The following ESYT1 variants were observed in gnomAD, a reference collection of about 807,000 sequenced individuals.
ESYT1 encodes extended synaptotagmin 1.
In ESYT1, 116 loss-of-function variants were observed where a neutral mutation model predicts 154.2. The ratio of observed to expected loss-of-function variants is 0.75; its 90% CI spans 0.65 to 0.88. ESYT1 has a LOEUF of 0.88. ESYT1 is among the 40% of genes least tolerant of loss of function. The pLI is 0.00. For missense variants in ESYT1, 1,264 were observed against 1,379.3 expected, an observed-to-expected ratio of 0.92 and a Z score of 1.32; for synonymous variants, 500 against 539.9, an observed-to-expected ratio of 0.93 and a Z score of 1.02.
chr12:56,138,724 T>C, intron 22 of ESYT1, 44 bp from the exon 23 acceptor site: 5 of 1,579,988 alleles, frequency 3.2e-6, no homozygotes, highest in Non-Finnish European at 4.4e-6. Context: ...GGGATCTGCC[T>C]AACTAGGTCC....
intron 2 of ESYT1, 24 bp from the exon 3 acceptor site, chr12:56,130,767 C>G: frequency 6.2e-7 from 1 of 1,613,676 alleles, no homozygotes; most frequent in Admixed American, 1.7e-5. Context: ...GGACTCTCCT[C>G]TGACCATCTC....
At chr12:56,135,198 C>T (rs1212193007) in intron 15 of ESYT1, among the ~76,000 whole-genome samples, 3 of 148,568 alleles carry the variant, frequency 2.0e-5, no homozygotes, top group Non-Finnish European at 3.0e-5. Context: ...GAGACAGTTT[C>T]GCTTTTGTTG....
chr12:56,138,751 C>A lies in ESYT1; in HGVS notation c.2434-17C>A. The A allele has an allele frequency of 6.2e-7, 1 of 1,611,462 alleles. No individual in the cohort carries two copies. Among genetic ancestry groups the A allele is most frequent in the South Asian group, 1.1e-5 (1 of 91,034 alleles). On this transcript the variant is annotated splice_polypyrimidine_tract_variant and intron_variant, in intron 22 of 30. Transcript: ENST00000394048. ...ACTAGGTCCAAATTTAAGACTAACA[C>A]AGTATTGTCTTTCTAGCTGCGAAAA... is the stretch of plus-strand genomic sequence containing the variant.
Position 56,137,832 on chromosome 12 carries a change from G to A in ESYT1, c.2116G>A (p.Val706Met). Residue 706 changes from valine (V) to methionine (M), a missense_variant and splice_region_variant, in exon 19 of 31, where the codon GTG becomes ATG. Coordinates refer to ENST00000394048, the MANE Select transcript of ESYT1 (RefSeq NM_015292.3). Reference sequence around the variant, plus strand: ...CATCTGCACTATTTTCTCCCACTAGGTGATCGTCACATCAGTTCCAGGCCA... The same window carrying A: ...CATCTGCACTATTTTCTCCCACTAGATGATCGTCACATCAGTTCCAGGCCA... ...LNPRWNEVFE[V>M]IVTSVPGQEL... 1 of 1,614,150 alleles carries A rather than the reference G, an allele frequency of 6.2e-7. No homozygotes were observed. The highest frequency in any genetic ancestry group is 1.1e-5 in the South Asian group (1 of 91,076).
intron 24 of ESYT1, among the ~76,000 whole-genome samples, chr12:56,139,670 A>T (rs1310175174): frequency 6.7e-6 from 1 of 148,632 alleles, no homozygotes; most frequent in Non-Finnish European, 1.5e-5. Flanking sequence ...ATCTCAGCTC[A>T]CTGCAACCTC....
At position 56,132,191 on chromosome 12, in the gene ESYT1, T is replaced by A; in HGVS notation, c.861-18T>A. On this transcript the variant is annotated intron_variant, in intron 7 of 30. Transcript: ENST00000394048. Reference sequence around the variant, plus strand: ...GGAAGTTGAGGCCATACCCACTCCTTTCTACTCCCCCATTCAGCTCACTCT... The same window carrying A: ...GGAAGTTGAGGCCATACCCACTCCTATCTACTCCCCCATTCAGCTCACTCT... 6.2e-7 allele frequency: 1 copy of A among 1,614,122 alleles called. No individual in the cohort carries two copies. The highest frequency in any genetic ancestry group is 8.5e-7 in the Non-Finnish European group (1 of 1,180,016).
chr12:56,133,547 G>T, intron 11 of ESYT1, 41 bp from the exon 12 acceptor site: 1 of 1,613,472 alleles, frequency 6.2e-7, no homozygotes, highest in South Asian at 1.1e-5. Flanking sequence ...GGAAGTAGTT[G>T]AGCAGGTATC....
At position 56,130,990 on chromosome 12, in the gene ESYT1, A is replaced by G. The variant is rs371691300; in HGVS notation, c.568-50A>G. On this transcript the variant is annotated intron_variant, in intron 3 of 30. Coordinates refer to ENST00000394048, the MANE Select transcript of ESYT1 (RefSeq NM_015292.3). ...AGGGTGAGTGGCCCGGAGTAGACTC[A>G]GGTACTTCTCCCTATCCCTGCCCTC... The G allele has an allele frequency of 2.7e-5, 43 of 1,613,744 alleles. No individual in the cohort carries two copies. In the Middle Eastern group the frequency reaches 4.9e-4, roughly 19 times the overall value.
At chr12:56,141,315 A>C (rs1222708178) in intron 24 of ESYT1, among the ~76,000 whole-genome samples, 1 of 152,252 alleles carries the variant, frequency 6.6e-6, no homozygotes, top group Non-Finnish European at 1.5e-5. Flanking sequence ...CGTGAGAACA[A>C]AGAAAACAGG....
intron 1 of ESYT1, among the ~76,000 whole-genome samples, chr12:56,130,130 G>T (rs1870171982): frequency 6.6e-6 from 1 of 152,054 alleles, no homozygotes; most frequent in Non-Finnish European, 1.5e-5. Context: ...TCAGGCTGGT[G>T]TCGAACTCCT....
rs201370688 is a variant in ESYT1 at position 56,142,882 on chromosome 12, T to C, written c.2936T>C (p.Leu979Pro). The change falls in exon 27 of 31, where the codon CTG (leucine) becomes CCG (proline). Residue 979 changes from leucine (L) to proline (P), a missense_variant. By Grantham distance (98) the Leu-to-Pro change is moderately conservative. Coordinates refer to ENST00000394048, the MANE Select transcript of ESYT1 (RefSeq NM_015292.3). The surrounding 1 kb of genome is among the most constrained non-coding windows in gnomAD (Gnocchi z 4.1). ...AGPLGQVKLT[L>P]WYYSEERKLV... ...CCTCTGGGCCAGGTGAAACTGACTC[T>C]GTGGTACTACAGTGAAGAACGAAAG... 2.5e-6 allele frequency: 4 copies of C among 1,614,124 alleles called. No homozygotes were observed. The highest frequency in any genetic ancestry group is 3.4e-6 in the Non-Finnish European group (4 of 1,180,054).
At chr12:56,137,191 G>A in intron 16 of ESYT1, 27 bp from the exon 17 acceptor site, 1 of 1,613,232 alleles carries the variant, frequency 6.2e-7, no homozygotes, top group Non-Finnish European at 8.5e-7. Context: ...GCACTTCTTT[G>A]ATTCAGCATC....
rs1870725624 is a variant in ESYT1 at position 56,142,144 on chromosome 12, G to C, written c.2593-141G>C. ...AGGACAGAGGGAGGGACTAGCAACT[G>C]TTACCATGGCTTCCCTGCCTTTCTC... On this transcript the variant is annotated intron_variant, in intron 24 of 30. Transcript: ENST00000394048. The surrounding 1 kb of genome is among the most constrained non-coding windows in gnomAD (Gnocchi z 4.1). 1 of 915,440 alleles carries C rather than the reference G, an allele frequency of 1.1e-6. No individual in the cohort carries two copies. Among genetic ancestry groups the C allele is most frequent in the East Asian group, 2.5e-5 (1 of 39,722 alleles). The allele number at this position is 915,440 out of a possible 1,614,324, so 56.7% of individuals were successfully genotyped here.
chr12:56,133,604 G>A lies in ESYT1; in HGVS notation c.1310G>A (p.Gly437Asp). The A allele has an allele frequency of 1.9e-6, 3 of 1,614,212 alleles. No homozygotes were observed. The highest frequency in any genetic ancestry group is 2.2e-5 in the South Asian group (2 of 91,080). Residue 437 changes from glycine to aspartate, a missense_variant, in exon 12 of 31, where the codon GGT becomes GAT. Coordinates refer to ENST00000394048, the MANE Select transcript of ESYT1 (RefSeq NM_015292.3). ...SVLDDWFPLQ[G>D]GQGQVHLRLE... is the part of the protein sequence containing the mutation. ...TTCTTCTAGTGGTTCCCTCTACAAG[G>A]TGGGCAAGGCCAAGTTCACTTGAGG...
intron 16 of ESYT1, 127 bp from the exon 17 acceptor site, chr12:56,137,091 G>C: frequency 7.4e-7 from 1 of 1,358,840 alleles, no homozygotes; most frequent in Non-Finnish European, 1.0e-6. Context: ...GAACCCTGTA[G>C]AGATGAGCCC....
Position 56,137,871 on chromosome 12 carries a change from G to T in ESYT1, c.2155G>T (p.Glu719Ter). ...TSVPGQELEVEVFDKDLDKDD... is the reference protein window; with the variant it reads ...TSVPGQELEV ...AGTTCCAGGCCAAGAGCTAGAGGTT[G>T]AAGTCTTTGACAAGGACTTGGACAA... Residue 719 changes from glutamate (E) to a stop codon, truncating the protein, a stop_gained, in exon 19 of 31, where the codon GAA becomes TAA. Transcript: ENST00000394048. LOFTEE classifies it high-confidence loss of function. 1 of 1,614,192 alleles carries T rather than the reference G, an allele frequency of 6.2e-7. No homozygotes were observed. Among genetic ancestry groups the T allele is most frequent in the Non-Finnish European group, 8.5e-7 (1 of 1,180,040 alleles).
intron 24 of ESYT1, among the ~76,000 whole-genome samples, chr12:56,140,906 G>A (rs563057865): frequency 1.3e-5 from 2 of 152,306 alleles, no homozygotes; most frequent in South Asian, 4.1e-4. Context: ...TTTTGGCACA[G>A]GGTGGCTAGA....
At position 56,142,270 on chromosome 12, in the gene ESYT1, C is replaced by T. The variant is rs1325635442; in HGVS notation, c.2593-15C>T. Reference sequence around the variant, plus strand: ...GATGCATTCGCCTCTTGATCATGGTCCTGTTGCCCCACAGGTTCGGGGTGA... The same window carrying T: ...GATGCATTCGCCTCTTGATCATGGTTCTGTTGCCCCACAGGTTCGGGGTGA... On this transcript the variant is annotated splice_polypyrimidine_tract_variant and intron_variant, in intron 24 of 30. Transcript: ENST00000394048. This position sits in a 1 kb window ranked among gnomAD's most constrained non-coding sequence, Gnocchi z 4.1. 1 of 1,613,310 alleles carries T rather than the reference C, an allele frequency of 6.2e-7. No homozygotes were observed. Among genetic ancestry groups the T allele is most frequent in the Non-Finnish European group, 8.5e-7 (1 of 1,179,562 alleles).
Position 56,128,886 on chromosome 12 carries a change from G to T in ESYT1, c.390+177G>T. Reference sequence around the variant, plus strand: ...GGACGCGCCACTCTTGGAACCGACTGCTCACTCTCCCCACCCACCCTTTCG... The same window carrying T: ...GGACGCGCCACTCTTGGAACCGACTTCTCACTCTCCCCACCCACCCTTTCG... On this transcript the variant is annotated intron_variant, in intron 1 of 30. Coordinates refer to ENST00000394048, the MANE Select transcript of ESYT1 (RefSeq NM_015292.3). 2.8e-6 allele frequency: 2 copies of T among 709,898 alleles called. 1 individual carries two copies. The highest frequency in any genetic ancestry group is 3.7e-5 in the South Asian group (2 of 53,788). The allele number at this position is 709,898 out of a possible 1,614,324, so 44.0% of individuals were successfully genotyped here.
Sources: gnomAD v4.1 joint callset for allele counts (sites outside exome capture counted in the v4.1 genomes callset) on GRCh38, gnomAD v4.1.1 for gene constraint, Gnocchi (gnomAD v3.1) non-coding constraint, MANE v1.5 for transcripts, NCBI Gene and HGNC (gene_info 2026-07-23, HGNC 2026-07-21) for gene names.